The following GRM7 variants were observed in gnomAD, a reference collection of about 807,000 sequenced individuals.
The protein encoded by GRM7 is glutamate metabotropic receptor 7.
GRM7 carries 35 observed loss-of-function variants against 84.5 expected under a neutral mutation model. That is an observed-to-expected ratio of 0.41 (90% CI 0.32 to 0.55). The LOEUF is 0.55. Ranked by LOEUF, GRM7 falls within the 20% of genes least tolerant of loss-of-function variation. The pLI, the probability that GRM7 is intolerant of heterozygous loss-of-function variation, is 0.19. For missense variants in GRM7, 1,003 were observed against 1,194.6 expected (o/e 0.84, Z 2.36); for synonymous variants, 487 against 455.1 (o/e 1.07, Z -0.89).
At chr3:7,403,172 G>A (rs1695524295) in intron 4 of GRM7, 3 of 446,276 alleles carry the variant, frequency 6.7e-6, no homozygotes, top group South Asian at 4.8e-5. Flanking sequence ...GTCATTGCCT[G>A]GAGAAATGGG....
chr3:7,494,733 T>C (rs1575415804), intron 7 of GRM7, among the ~76,000 whole-genome samples: 1 of 152,198 alleles, frequency 6.6e-6, no homozygotes, highest in Non-Finnish European at 1.5e-5. Flanking sequence ...CTTGAGCCCA[T>C]CCAGCCAATA....
intron 4 of GRM7, among the ~76,000 whole-genome samples, chr3:7,355,173 T>G (rs1693336906): frequency 6.6e-6 from 1 of 152,140 alleles, no homozygotes; most frequent in African/African-American, 2.4e-5. Flanking sequence ...TGCCTAGATA[T>G]TTCCTATAAA....
intron 2 of GRM7, among the ~76,000 whole-genome samples, chr3:7,192,463 A>G (rs1389491916): frequency 1.3e-5 from 2 of 151,932 alleles, no homozygotes; most frequent in Non-Finnish European, 2.9e-5. Flanking sequence ...GTTGACCTCG[A>G]CTCTGTCACT....
At chr3:7,002,080 G>A (rs1695030454) in intron 1 of GRM7, among the ~76,000 whole-genome samples, 1 of 152,176 alleles carries the variant, frequency 6.6e-6, no homozygotes, top group East Asian at 1.9e-4. Context: ...AGACAATTTG[G>A]AAGACTTTCT....
chr3:7,277,111 T>G (rs1476141825), intron 2 of GRM7, among the ~76,000 whole-genome samples: 1 of 151,948 alleles, frequency 6.6e-6, no homozygotes, highest in Non-Finnish European at 1.5e-5. Flanking sequence ...ATGGAAGAAT[T>G]TGGAGATACG....
intron 4 of GRM7, among the ~76,000 whole-genome samples, chr3:7,346,168 A>C (rs1692884930): frequency 6.6e-6 from 1 of 152,156 alleles, no homozygotes; most frequent in African/African-American, 2.4e-5. Context: ...TGGTTTCATT[A>C]TTCATGGGCA....
At chr3:6,915,097 C>T (rs1668173434) in intron 1 of GRM7, among the ~76,000 whole-genome samples, 1 of 152,152 alleles carries the variant, frequency 6.6e-6, no homozygotes, top group Admixed American at 6.6e-5. Flanking sequence ...CTTATTGCTC[C>T]AGGACTGCAT....
intron 9 of GRM7, among the ~76,000 whole-genome samples, chr3:7,686,002 A>C (rs181227961): frequency 2.0e-5 from 3 of 152,306 alleles, no homozygotes; most frequent in African/African-American, 7.2e-5. Flanking sequence ...TGGACTAACC[A>C]CACAGGCTGG....
intron 1 of GRM7, among the ~76,000 whole-genome samples, chr3:7,132,853 A>G (rs540886786): frequency 6.6e-6 from 1 of 152,202 alleles, no homozygotes; most frequent in African/African-American, 2.4e-5. Flanking sequence ...ATTGTTCACT[A>G]ACTTGTTGAA....
chr3:7,654,190 T>C (rs1195469708), intron 8 of GRM7, among the ~76,000 whole-genome samples: 1 of 152,168 alleles, frequency 6.6e-6, no homozygotes, highest in Non-Finnish European at 1.5e-5. Context: ...GAAAAAGACC[T>C]TTGCGCAAGT....
At chr3:7,264,709 C>A (rs562196767) in intron 2 of GRM7, among the ~76,000 whole-genome samples, 1 of 152,290 alleles carries the variant, frequency 6.6e-6, no homozygotes, top group African/African-American at 2.4e-5. Flanking sequence ...GTCTAGCTGA[C>A]CATCTTGCCT....
At chr3:7,021,864 T>G (rs189220564) in intron 1 of GRM7, among the ~76,000 whole-genome samples, 73 of 152,322 alleles carry the variant, frequency 4.8e-4, no homozygotes, top group African/African-American at 1.7e-3. Flanking sequence ...ATTTATGGCA[T>G]TTGTTGTTTC....
intron 2 of GRM7, among the ~76,000 whole-genome samples, chr3:7,219,067 T>C (rs1423150669): frequency 2.0e-5 from 3 of 152,190 alleles, no homozygotes; most frequent in Non-Finnish European, 1.5e-5. Flanking sequence ...TCATTAAACA[T>C]ATGTATAAGG....
intron 1 of GRM7, among the ~76,000 whole-genome samples, chr3:6,979,306 A>G (rs1370758716): frequency 1.3e-5 from 2 of 152,182 alleles, no homozygotes; most frequent in Non-Finnish European, 2.9e-5. Context: ...CAAGGGAAGA[A>G]GAATGGCCTG....
At chr3:7,657,959 T>G (rs1490569390) in intron 8 of GRM7, among the ~76,000 whole-genome samples, 1 of 152,230 alleles carries the variant, frequency 6.6e-6, no homozygotes, top group African/African-American at 2.4e-5. Context: ...GAGAGCATTC[T>G]GCTCCTGGGT....
At chr3:7,297,268 G>A (rs1468678192) in intron 2 of GRM7, among the ~76,000 whole-genome samples, 1 of 152,054 alleles carries the variant, frequency 6.6e-6, no homozygotes, top group Non-Finnish European at 1.5e-5. Flanking sequence ...TTATTTGGTA[G>A]TGTGTTGTTT....
intron 4 of GRM7, among the ~76,000 whole-genome samples, chr3:7,327,074 C>G (rs1267437166): frequency 6.6e-6 from 1 of 152,202 alleles, no homozygotes; most frequent in Non-Finnish European, 1.5e-5. Context: ...CTCGAAGAAA[C>G]TATTGAAGAT....
At chr3:7,014,637 CAAT>C (rs1695497239) in intron 1 of GRM7, among the ~76,000 whole-genome samples, 1 of 152,156 alleles carries the variant, frequency 6.6e-6, no homozygotes, top group Admixed American at 6.6e-5. Context: ...ATTTTGAAAA[CAAT>C]AATAACTAAG....
chr3:7,423,252 C>G (rs902866024), intron 5 of GRM7, among the ~76,000 whole-genome samples: 2 of 152,130 alleles, frequency 1.3e-5, no homozygotes, highest in African/African-American at 4.8e-5. Context: ...ACTTGAAATC[C>G]CGGGAGTATT....
Sources: allele counts gnomAD v4.1 joint callset (sites outside exome capture counted in the v4.1 genomes callset), GRCh38; gene constraint gnomAD v4.1.1; transcripts MANE v1.5; gene names NCBI Gene and HGNC (gene_info 2026-07-23, HGNC 2026-07-21).